Variants in CNTN4 observed in about 807,000 individuals in gnomAD.
CNTN4 encodes the protein contactin 4.
In CNTN4, 77 loss-of-function variants were observed where a neutral mutation model predicts 122.5. The observed-to-expected ratio is 0.63, with a 90% CI of 0.52 to 0.76. CNTN4 has a LOEUF of 0.76. Ranked by LOEUF, CNTN4 falls within the 30% of genes least tolerant of loss-of-function variation. The pLI is 0.00. For synonymous variants in CNTN4, 512 were observed against 447.0 expected, an observed-to-expected ratio of 1.15 and a Z score of -1.83; for missense variants, 1,256 against 1,259.1, an observed-to-expected ratio of 1.00 and a Z score of 0.04.
intron 3 of CNTN4, among the ~76,000 whole-genome samples, chr3:2,532,823 GT>G (rs1246022430): frequency 2.0e-5 from 3 of 152,070 alleles, no homozygotes; most frequent in Admixed American, 6.6e-5. Context: ...CTTCCCTGAA[GT>G]TTTTTTATTT....
chr3:2,234,390 A>AAAAC (rs2039605608), intron 2 of CNTN4, among the ~76,000 whole-genome samples: 1 of 150,920 alleles, frequency 6.6e-6, no homozygotes, highest in Non-Finnish European at 1.5e-5. Flanking sequence ...AAAAAAAAAA[A>AAAAC]AGAGGAAGTT....
chr3:2,289,886 T>C (rs1438223055), intron 2 of CNTN4, among the ~76,000 whole-genome samples: 1 of 152,212 alleles, frequency 6.6e-6, no homozygotes, highest in Admixed American at 6.5e-5. Context: ...AGTAGTTCTT[T>C]CTAGACATTT....
chr3:2,352,140 C>T (rs973086289), intron 3 of CNTN4, among the ~76,000 whole-genome samples: 1 of 152,134 alleles, frequency 6.6e-6, no homozygotes, highest in African/African-American at 2.4e-5. Flanking sequence ...CCTGTAATCC[C>T]AGCACTTTGG....
At chr3:2,514,013 T>G (rs543438409) in intron 3 of CNTN4, among the ~76,000 whole-genome samples, 13 of 152,204 alleles carry the variant, frequency 8.5e-5, no homozygotes, top group Non-Finnish European at 1.6e-4. Context: ...AACAACATTG[T>G]GGACAATTTC....
At position 2,135,787 on chromosome 3, in the gene CNTN4, G is replaced by T. The variant is rs2034664116; in HGVS notation, c.-145+35148G>T. Among the ~76,000 whole-genome samples the T allele has an allele frequency of 5.3e-5, 8 of 152,138 alleles. No homozygotes were observed. In the South Asian group the frequency reaches 1.7e-3, roughly 31 times the overall value. On this transcript the variant is annotated intron_variant, in intron 2 of 24. Coordinates refer to ENST00000418658, the MANE Select transcript of CNTN4 (RefSeq NM_175607.3). ...CAGATTTGTTGTTCAGAACAAATGG[G>T]GTTACCATAAGTATGGAAAATGGTT...
In CNTN4 at chr3:2,762,281, G is replaced by T. The variant is rs149403452; in HGVS notation, c.358+16584G>T. Among the ~76,000 whole-genome samples the T allele has an allele frequency of 5.1e-3, 770 of 152,278 alleles. 3 individuals carry two copies. Among genetic ancestry groups the T allele is most frequent in the African/African-American group, 0.018 (748 of 41,554 alleles). On this transcript the variant is annotated intron_variant, in intron 6 of 24. Transcript: ENST00000418658. ...TTACATAGGTAAACTTGTGTCATGAGGGTTTGTTGTACAGATTATTTCATA... is the reference window on the plus strand; with the variant it reads ...TTACATAGGTAAACTTGTGTCATGATGGTTTGTTGTACAGATTATTTCATA...
chr3:2,282,044 A>C (rs1330936508), intron 2 of CNTN4, among the ~76,000 whole-genome samples: 1 of 151,928 alleles, frequency 6.6e-6, no homozygotes, highest in African/African-American at 2.4e-5. Flanking sequence ...TGCCCTTTGA[A>C]ATTTTCTTAT....
rs140407010 is a variant in CNTN4 at position 2,834,426 on chromosome 3, C to G, written c.454+14845C>G. 2.6e-5 allele frequency among the ~76,000 whole-genome samples: 4 copies of G among 152,066 alleles called. No homozygotes were observed. The South Asian group carries it at 8.3e-4, about 32-fold the overall frequency. ...CTAAAGATTTAAAAAGTTAGCTGGGCGTGGTGGTGCATGTTTGTAATCCCA... is the reference window on the plus strand; with the variant it reads ...CTAAAGATTTAAAAAGTTAGCTGGGGGTGGTGGTGCATGTTTGTAATCCCA... On this transcript the variant is annotated intron_variant, in intron 7 of 24. Coordinates refer to ENST00000418658, the MANE Select transcript of CNTN4 (RefSeq NM_175607.3).
chr3:2,996,826 C>T (rs1032746105), intron 14 of CNTN4, among the ~76,000 whole-genome samples: 6 of 152,088 alleles, frequency 3.9e-5, no homozygotes, highest in Non-Finnish European at 7.4e-5. Flanking sequence ...GCTATGAATG[C>T]GATAAAATTC....
At chr3:2,266,085 G>C (rs1433904565) in intron 2 of CNTN4, among the ~76,000 whole-genome samples, 1 of 151,966 alleles carries the variant, frequency 6.6e-6, no homozygotes, top group East Asian at 1.9e-4. Flanking sequence ...CTCTGACTAG[G>C]ATTGCCAGTA....
At chr3:2,620,823 C>G (rs2081962699) in intron 4 of CNTN4, among the ~76,000 whole-genome samples, 1 of 152,154 alleles carries the variant, frequency 6.6e-6, no homozygotes, top group Non-Finnish European at 1.5e-5. Flanking sequence ...ACAAAGCACT[C>G]TAATTCCAGA....
intron 2 of CNTN4, among the ~76,000 whole-genome samples, chr3:2,317,815 T>A (rs751695135): frequency 2.0e-5 from 3 of 152,186 alleles, no homozygotes; most frequent in Admixed American, 1.3e-4. Flanking sequence ...GTGCTAGAAC[T>A]CAGAGTCTGT....
At chr3:2,556,735 G>C (rs149269801) in intron 3 of CNTN4, among the ~76,000 whole-genome samples, 1 of 152,052 alleles carries the variant, frequency 6.6e-6, no homozygotes, top group Non-Finnish European at 1.5e-5. Flanking sequence ...TGTGATTTCT[G>C]TATTTTTCCT....
chr3:2,135,641 T>C (rs555354371), intron 2 of CNTN4, among the ~76,000 whole-genome samples: 1 of 151,630 alleles, frequency 6.6e-6, no homozygotes, highest in Non-Finnish European at 1.5e-5. Context: ...GCTTTTTGTT[T>C]GGGAAAGTGT....
chr3:2,961,958 C>G (rs746541047), intron 13 of CNTN4, among the ~76,000 whole-genome samples: 3 of 152,278 alleles, frequency 2.0e-5, no homozygotes, highest in East Asian at 1.9e-4. Context: ...TTGCCTTTTC[C>G]TTCTTCATCA....
At chr3:3,000,569 A>C (rs1695934992) in intron 14 of CNTN4, among the ~76,000 whole-genome samples, 1 of 152,270 alleles carries the variant, frequency 6.6e-6, no homozygotes. Context: ...ATTATGTATG[A>C]CATTCATTTC....
chr3:2,882,334 C>G (rs2093921496), intron 8 of CNTN4, among the ~76,000 whole-genome samples: 1 of 151,548 alleles, frequency 6.6e-6, no homozygotes, highest in African/African-American at 2.4e-5. Flanking sequence ...CCACCACACT[C>G]TAGCCTGGGT....
chr3:2,257,909 A>C (rs1184264519), intron 2 of CNTN4, among the ~76,000 whole-genome samples: 2 of 152,130 alleles, frequency 1.3e-5, no homozygotes, highest in African/African-American at 2.4e-5. Context: ...CTAAAAATAC[A>C]AAAATTAGCC....
intron 4 of CNTN4, among the ~76,000 whole-genome samples, chr3:2,724,648 C>G (rs1301135116): frequency 6.6e-6 from 1 of 152,116 alleles, no homozygotes; most frequent in Non-Finnish European, 1.5e-5. Context: ...TGCAAAGGCT[C>G]ATGAATATTA....
Sources: gnomAD v4.1 joint callset for allele counts (sites outside exome capture counted in the v4.1 genomes callset) on GRCh38, gnomAD v4.1.1 for gene constraint, MANE v1.5 for transcripts, NCBI Gene and HGNC (gene_info 2026-07-23, HGNC 2026-07-21) for gene names.